Variants in HMGB1 observed in about 807,000 individuals in gnomAD.
The protein encoded by HMGB1 is high mobility group box 1, also known as high mobility group protein B1.
For missense variants in HMGB1, 79 were observed against 253.5 expected (o/e 0.31, Z 4.67); for synonymous variants, 81 against 84.0 (o/e 0.96, Z 0.19).
intron 1 of HMGB1, among the ~76,000 whole-genome samples, chr13:30,589,745 C>T (rs940691173): frequency 3.3e-5 from 5 of 152,036 alleles, no homozygotes; most frequent in Non-Finnish European, 5.9e-5. Flanking sequence ...TGGTACACAC[C>T]TGTAATCCCA....
intron 1 of HMGB1, among the ~76,000 whole-genome samples, chr13:30,483,204 A>G (rs972290704): frequency 6.6e-6 from 1 of 152,138 alleles, no homozygotes; most frequent in Non-Finnish European, 1.5e-5. Context: ...GAGCAAAGCA[A>G]ACACAAGACC....
At chr13:30,505,326 G>C (rs34460752) in intron 1 of HMGB1, among the ~76,000 whole-genome samples, 379 of 151,476 alleles carry the variant, frequency 2.5e-3, no homozygotes, top group African/African-American at 5.2e-3. Context: ...TTACAGGTGC[G>C]TGCCACCAGG....
rs1005032648 is a variant in HMGB1 at position 30,465,917 on chromosome 13, T to G, written c.-136A>C. On this transcript the variant is annotated 5_prime_UTR_variant, in exon 1 of 5. Transcript: ENST00000341423. ...CGGGAGCCAGACGCAGCCTCCTCACTCTCTCCGCTCTGTAACATTACTCTC... is the reference window on the plus strand; with the variant it reads ...CGGGAGCCAGACGCAGCCTCCTCACGCTCTCCGCTCTGTAACATTACTCTC... 2.8e-5 allele frequency: 28 copies of G among 985,758 alleles called. No homozygotes were observed. The highest frequency in any genetic ancestry group is 3.4e-5 in the Non-Finnish European group (28 of 830,014). 61.1% of individuals were successfully genotyped at this position (985,758 alleles called of 1,614,324 possible).
chr13:30,551,117 T>A (rs1157816968), intron 1 of HMGB1, among the ~76,000 whole-genome samples: 1 of 152,212 alleles, frequency 6.6e-6, no homozygotes, highest in East Asian at 1.9e-4. Context: ...TCTACTATCA[T>A]GATTTCTAAA....
chr13:30,576,001 T>C (rs1870638915), intron 1 of HMGB1, among the ~76,000 whole-genome samples: 2 of 152,192 alleles, frequency 1.3e-5, no homozygotes, highest in Admixed American at 6.5e-5. Flanking sequence ...TCCCTGTCTC[T>C]AGGCCCTCTT....
At chr13:30,515,556 T>G (rs1288978715) in intron 1 of HMGB1, among the ~76,000 whole-genome samples, 1 of 152,142 alleles carries the variant, frequency 6.6e-6, no homozygotes, top group Non-Finnish European at 1.5e-5. Context: ...TGAAATAACT[T>G]TATCTTATCG....
At chr13:30,509,588 T>C (rs977992233) in intron 1 of HMGB1, among the ~76,000 whole-genome samples, 1 of 152,106 alleles carries the variant, frequency 6.6e-6, no homozygotes, top group Admixed American at 6.5e-5. Flanking sequence ...TCAAGACCTA[T>C]TCATGTTTAA....
chr13:30,477,439 A>G (rs1247593968), intron 1 of HMGB1, among the ~76,000 whole-genome samples: 3 of 152,192 alleles, frequency 2.0e-5, no homozygotes, highest in African/African-American at 7.2e-5. Context: ...GGCTGATTGA[A>G]TAGGACAGAA....
At chr13:30,538,663 C>CTTA (rs1555238863) in intron 1 of HMGB1, among the ~76,000 whole-genome samples, 1 of 80,038 alleles carries the variant, frequency 1.2e-5, no homozygotes, top group African/African-American at 8.0e-5. Context: ...TTCTTTCTTT[C>CTTA]CTTTCTTTCT....
At chr13:30,491,678 A>T (rs923770430) in intron 1 of HMGB1, among the ~76,000 whole-genome samples, 14 of 152,114 alleles carry the variant, frequency 9.2e-5, no homozygotes, top group African/African-American at 3.1e-4. Context: ...AAAAAAGAAA[A>T]AAAAAGAAAT....
chr13:30,483,417 T>A (rs374833166), intron 1 of HMGB1, among the ~76,000 whole-genome samples: 2 of 152,044 alleles, frequency 1.3e-5, no homozygotes, highest in Admixed American at 6.6e-5. Context: ...ACCTCTTTAA[T>A]GTGTGTCTCT....
intron 1 of HMGB1, among the ~76,000 whole-genome samples, chr13:30,550,570 G>T (rs1433529685): frequency 6.6e-6 from 1 of 152,104 alleles, no homozygotes; most frequent in Non-Finnish European, 1.5e-5. Context: ...TTGCCTCTTT[G>T]CTCAGTTCAC....
chr13:30,609,436 GAAC>G (rs954368095), intron 1 of HMGB1, among the ~76,000 whole-genome samples: 1 of 152,106 alleles, frequency 6.6e-6, no homozygotes, highest in Non-Finnish European at 1.5e-5. Context: ...GTTGACCCCT[GAAC>G]AATGCAGGTT....
rs112720183 is a variant in HMGB1, at chr13:30,511,439, C to T, written c.-14-47745G>A. ...TTGCTCTATCTTGCCATGTGACGTGCCTGCTCCCCCTTCATCTTCTTCCAT... is the reference window on the plus strand; with the variant it reads ...TTGCTCTATCTTGCCATGTGACGTGTCTGCTCCCCCTTCATCTTCTTCCAT... On this transcript the variant is annotated intron_variant, in intron 1 of 4. Transcript: ENST00000405805. Among the ~76,000 whole-genome samples the T allele has an allele frequency of 9.2e-3, 1,399 of 152,270 alleles. 13 individuals are homozygous for T. Among genetic ancestry groups the T allele is most frequent in the South Asian group, 0.021 (103 of 4,824 alleles).
chr13:30,574,167 A>T (rs1429601570), intron 1 of HMGB1, among the ~76,000 whole-genome samples: 1 of 152,180 alleles, frequency 6.6e-6, no homozygotes, highest in African/African-American at 2.4e-5. Context: ...TCCCATATGA[A>T]ATCCTGACAA....
intron 1 of HMGB1, among the ~76,000 whole-genome samples, chr13:30,569,985 G>C (rs919770791): frequency 1.3e-5 from 2 of 152,184 alleles, no homozygotes; most frequent in African/African-American, 4.8e-5. Context: ...AAATGCATGG[G>C]CTTTGGTAGG....
At chr13:30,563,060 A>G (rs531241874) in intron 1 of HMGB1, among the ~76,000 whole-genome samples, 2 of 152,352 alleles carry the variant, frequency 1.3e-5, no homozygotes, top group East Asian at 3.9e-4. Flanking sequence ...TTTAAGCCTC[A>G]AGTACTGTTA....
At chr13:30,604,311 A>G (rs1950432673) in intron 1 of HMGB1, among the ~76,000 whole-genome samples, 1 of 152,164 alleles carries the variant, frequency 6.6e-6, no homozygotes, top group East Asian at 1.9e-4. Flanking sequence ...TGCTAGATGG[A>G]GAATAAGCTG....
chr13:30,464,099 T>A (rs1216923841), intron 1 of HMGB1: 91 of 985,226 alleles, frequency 9.2e-5, no homozygotes, highest in Non-Finnish European at 1.1e-4. Flanking sequence ...AGATAGGGAA[T>A]AAACAAGGGC....
Sources: gnomAD v4.1 joint callset for allele counts (sites outside exome capture counted in the v4.1 genomes callset) on GRCh38, gnomAD v4.1.1 for gene constraint, MANE v1.5 for transcripts, NCBI Gene and HGNC (gene_info 2026-07-23, HGNC 2026-07-21) for gene names.